The following GIPC2 variants were observed in gnomAD, a reference collection of about 807,000 sequenced individuals.
GIPC2 encodes the protein PDZ domain-containing protein GIPC2.
Under a neutral mutation model 30.6 loss-of-function variants are expected in GIPC2, and 30 were observed. That is an observed-to-expected ratio of 0.98 (90% CI 0.73 to 1.33). The LOEUF (loss-of-function observed/expected upper bound fraction) is 1.33, where lower values mean the gene tolerates loss of function less well. GIPC2 is among the 40% of genes most tolerant of loss of function. The probability of loss-of-function intolerance (pLI) is 0.00; values close to 1 mark genes in which losing one functional copy is unlikely to be tolerated. For missense variants in GIPC2, 414 were observed against 390.3 expected (o/e 1.06, Z -0.51); for synonymous variants, 167 against 150.0 (o/e 1.11, Z -0.83).
intron 1 of GIPC2, among the ~76,000 whole-genome samples, chr1:78,060,406 A>G (rs534368401): frequency 7.1e-4 from 108 of 152,094 alleles, no homozygotes; most frequent in African/African-American, 2.4e-3. Context: ...CAGCCTCCCA[A>G]AGTACTGGGA....
intron 3 of GIPC2, among the ~76,000 whole-genome samples, chr1:78,105,537 C>T (rs918043254): frequency 8.5e-5 from 13 of 152,074 alleles, no homozygotes; most frequent in Admixed American, 2.0e-4. Flanking sequence ...CCGCCCACCT[C>T]GGCCTCCCAA....
At chr1:78,093,621 C>A (rs1662082657) in intron 2 of GIPC2, among the ~76,000 whole-genome samples, 1 of 152,136 alleles carries the variant, frequency 6.6e-6, no homozygotes, top group African/African-American at 2.4e-5. Context: ...GACGGAGATG[C>A]TGGAGGTAGT....
At chr1:78,081,931 C>A (rs1247325107) in intron 2 of GIPC2, among the ~76,000 whole-genome samples, 1 of 152,152 alleles carries the variant, frequency 6.6e-6, no homozygotes, top group Non-Finnish European at 1.5e-5. Flanking sequence ...TTAACCATCA[C>A]CCAGATCAGG....
chr1:78,051,132 A>T (rs1661190076), intron 1 of GIPC2, among the ~76,000 whole-genome samples: 2 of 152,052 alleles, frequency 1.3e-5, no homozygotes, highest in Admixed American at 6.6e-5. Flanking sequence ...TTAAGAAAAG[A>T]CGTATAATAA....
At chr1:78,082,223 C>T (rs1202174148) in intron 2 of GIPC2, among the ~76,000 whole-genome samples, 2 of 152,150 alleles carry the variant, frequency 1.3e-5, no homozygotes, top group Admixed American at 6.6e-5. Context: ...GGATTTGGAT[C>T]TATGAGGTCT....
intron 3 of GIPC2, among the ~76,000 whole-genome samples, chr1:78,118,219 G>A (rs1204735658): frequency 2.1e-5 from 3 of 142,680 alleles, no homozygotes; most frequent in African/African-American, 7.8e-5. Context: ...TACTGTAATC[G>A]CTCTGGCCTG....
chr1:78,134,346 G>A (rs1261661107), intron 5 of GIPC2, among the ~76,000 whole-genome samples: 1 of 88,634 alleles, frequency 1.1e-5, no homozygotes, highest in Non-Finnish European at 2.5e-5. Flanking sequence ...GTGTATGTAT[G>A]TGTGTGTGTG....
At chr1:78,114,509 C>T (rs1031661815) in intron 3 of GIPC2, among the ~76,000 whole-genome samples, 5 of 152,138 alleles carry the variant, frequency 3.3e-5, no homozygotes, top group African/African-American at 7.2e-5. Context: ...TAGACAAACA[C>T]GGCTTCTGTT....
chr1:78,052,405 T>C (rs1228753128), intron 1 of GIPC2, among the ~76,000 whole-genome samples: 5 of 152,246 alleles, frequency 3.3e-5, no homozygotes, highest in African/African-American at 1.2e-4. Flanking sequence ...CTGAAACATA[T>C]TATAGTTGGA....
At chr1:78,084,017 T>C (rs1661881250) in intron 2 of GIPC2, among the ~76,000 whole-genome samples, 1 of 152,348 alleles carries the variant, frequency 6.6e-6, no homozygotes, top group African/African-American at 2.4e-5. Context: ...AGTTCTGGTG[T>C]TAGCTGTGCT....
intron 2 of GIPC2, 91 bp downstream of exon 2, chr1:78,080,951 G>A (rs969634703): frequency 6.2e-5 from 39 of 628,514 alleles, no homozygotes; most frequent in Non-Finnish European, 8.1e-5. Flanking sequence ...GATCTTCAGA[G>A]TGAGAGCCCG....
At chr1:78,128,802 T>C (rs993865739) in intron 5 of GIPC2, among the ~76,000 whole-genome samples, 1 of 151,766 alleles carries the variant, frequency 6.6e-6, no homozygotes, top group African/African-American at 2.4e-5. Flanking sequence ...GGCAACATAG[T>C]GAGATGAGAC....
chr1:78,089,589 C>G (rs577693343), intron 2 of GIPC2, among the ~76,000 whole-genome samples: 1 of 152,218 alleles, frequency 6.6e-6, no homozygotes, highest in Non-Finnish European at 1.5e-5. Flanking sequence ...CAAGTGATCC[C>G]TCTCTCTAGG....
At chr1:78,122,744 G>A (rs752037321) in intron 4 of GIPC2, among the ~76,000 whole-genome samples, 2 of 152,206 alleles carry the variant, frequency 1.3e-5, no homozygotes, top group Non-Finnish European at 2.9e-5. Flanking sequence ...TTCTCCACTT[G>A]CATAACCTCA....
At chr1:78,077,865 A>G (rs1274448268) in intron 1 of GIPC2, among the ~76,000 whole-genome samples, 1 of 152,210 alleles carries the variant, frequency 6.6e-6, no homozygotes, top group African/African-American at 2.4e-5. Context: ...TTGATGAGTG[A>G]ATGAGCAGGA....
chr1:78,045,850 T>C, upstream of GIPC2: 3 of 1,294,460 alleles, frequency 2.3e-6, no homozygotes, highest in African/African-American at 3.1e-5. Context: ...AACCTGGTGA[T>C]AGGATGAGGG....
chr1:78,071,941 C>T (rs765493884), intron 1 of GIPC2, among the ~76,000 whole-genome samples: 8 of 152,128 alleles, frequency 5.3e-5, no homozygotes, highest in South Asian at 2.1e-4. Context: ...GTTCAGCTAA[C>T]GCATTAGGAA....
chr1:78,103,345 C>A (rs1662285485), intron 3 of GIPC2, among the ~76,000 whole-genome samples: 1 of 152,196 alleles, frequency 6.6e-6, no homozygotes, highest in South Asian at 2.1e-4. Context: ...TGCTTTTAAA[C>A]TGTGTGATTT....
chr1:78,047,857 C>T (rs1661124823), intron 1 of GIPC2, among the ~76,000 whole-genome samples: 1 of 152,134 alleles, frequency 6.6e-6, no homozygotes, highest in African/African-American at 2.4e-5. Context: ...GGCCCTTAGC[C>T]AAGGTCACAT....
Sources: allele counts gnomAD v4.1 joint callset (sites outside exome capture counted in the v4.1 genomes callset), GRCh38; gene constraint gnomAD v4.1.1; transcripts MANE v1.5; gene names NCBI Gene and HGNC (gene_info 2026-07-23, HGNC 2026-07-21).